The following ADGRL3 variants were observed in gnomAD, a reference collection of about 807,000 sequenced individuals.
ADGRL3 encodes the protein adhesion G protein-coupled receptor L3.
Under a neutral mutation model 153.5 loss-of-function variants are expected in ADGRL3, and 62 were observed. The observed-to-expected ratio is 0.40, with a 90% CI of 0.33 to 0.50. The LOEUF is 0.50. ADGRL3 is among the 20% of genes least tolerant of loss of function. ADGRL3 has a pLI of 0.47. For missense variants in ADGRL3, 1,641 were observed against 1,859.4 expected, an observed-to-expected ratio of 0.88 and a Z score of 2.16; for synonymous variants, 710 against 672.5, an observed-to-expected ratio of 1.06 and a Z score of -0.86.
At chr4:61,433,251 T>G (rs537910469) in intron 2 of ADGRL3, among the ~76,000 whole-genome samples, 1 of 152,290 alleles carries the variant, frequency 6.6e-6, no homozygotes, top group Admixed American at 6.5e-5. Context: ...TTTGCCAATA[T>G]GTATGTAGTA....
intron 15 of ADGRL3, among the ~76,000 whole-genome samples, chr4:61,941,231 C>A (rs1181724342): frequency 7.8e-6 from 1 of 127,512 alleles, no homozygotes; most frequent in Non-Finnish European, 1.6e-5. Context: ...TGTGAAAGAT[C>A]AGATAGTTGT....
chr4:61,274,908 A>G (rs2093387957), intron 1 of ADGRL3, among the ~76,000 whole-genome samples: 1 of 152,144 alleles, frequency 6.6e-6, no homozygotes, highest in African/African-American at 2.4e-5. Context: ...AGCCTGGGTG[A>G]CAGAACAAGA....
intron 3 of ADGRL3, among the ~76,000 whole-genome samples, chr4:61,505,455 A>G (rs1362412805): frequency 6.6e-6 from 1 of 152,068 alleles, no homozygotes; most frequent in African/African-American, 2.4e-5. Context: ...GGAGACCTGT[A>G]TACTGGTGAA....
At chr4:61,795,578 A>C (rs2097400464) in intron 8 of ADGRL3, among the ~76,000 whole-genome samples, 1 of 152,196 alleles carries the variant, frequency 6.6e-6, no homozygotes, top group Admixed American at 6.5e-5. Flanking sequence ...AAGTTGTGAA[A>C]TAAAATATAT....
At chr4:61,386,205 A>G (rs2096734393) in intron 2 of ADGRL3, among the ~76,000 whole-genome samples, 1 of 152,188 alleles carries the variant, frequency 6.6e-6, no homozygotes, top group African/African-American at 2.4e-5. Context: ...TTTTACTAAT[A>G]CATGACCAAG....
intron 8 of ADGRL3, among the ~76,000 whole-genome samples, chr4:61,805,397 C>T (rs2097543269): frequency 6.6e-6 from 1 of 152,192 alleles, no homozygotes; most frequent in Non-Finnish European, 1.5e-5. Flanking sequence ...AAAACATAAG[C>T]ACAGCAGGCC....
intron 2 of ADGRL3, among the ~76,000 whole-genome samples, chr4:61,461,976 C>A (rs1483799065): frequency 6.6e-6 from 1 of 152,100 alleles, no homozygotes; most frequent in Non-Finnish European, 1.5e-5. Context: ...AGCACTGAAA[C>A]ATCTTAAGCA....
chr4:61,380,783 G>A (rs2096658162), intron 1 of ADGRL3, among the ~76,000 whole-genome samples: 1 of 151,748 alleles, frequency 6.6e-6, no homozygotes, highest in Non-Finnish European at 1.5e-5. Flanking sequence ...TTAGTGCTTT[G>A]CTCCTAAATA....
At chr4:61,676,957 T>G in intron 6 of ADGRL3, 22 bp downstream of exon 6, 1 of 1,463,442 alleles carries the variant, frequency 6.8e-7, no homozygotes. Flanking sequence ...CCTATACTTT[T>G]CTTGGCAAGA....
At chr4:61,692,627 A>G (rs1001948829) in intron 6 of ADGRL3, among the ~76,000 whole-genome samples, 1 of 151,896 alleles carries the variant, frequency 6.6e-6, no homozygotes, top group African/African-American at 2.4e-5. Context: ...TATTTGTAGT[A>G]AAGATGGAGT....
intron 25 of ADGRL3, among the ~76,000 whole-genome samples, chr4:62,063,232 A>G (rs185779578): frequency 3.5e-4 from 54 of 152,132 alleles, no homozygotes; most frequent in African/African-American, 1.1e-3. Context: ...GCATGGGAAT[A>G]TATTCTTGCA....
At chr4:61,372,237 G>C (rs1290115349) in intron 1 of ADGRL3, among the ~76,000 whole-genome samples, 2 of 152,292 alleles carry the variant, frequency 1.3e-5, no homozygotes, top group Admixed American at 1.3e-4. Context: ...GCTCGTCAAA[G>C]TCATTCTCCG....
chr4:62,013,079 A>G lies in ADGRL3; in HGVS notation c.3395+14814A>G, dbSNP rs1475355578. On this transcript the variant is annotated intron_variant, in intron 21 of 26. Coordinates refer to ENST00000683033, the MANE Select transcript of ADGRL3 (RefSeq NM_001387552.1). ...CAGTGCAAACATTTGCGACTGTCAG[A>G]TTGTTTCCATTTTTTCAAGAAACTA... Among the ~76,000 whole-genome samples, 3 of 152,278 alleles carry G rather than the reference A, an allele frequency of 2.0e-5. No homozygotes were observed. In the East Asian group the frequency reaches 5.8e-4, roughly 29 times the overall value.
In ADGRL3 at chr4:61,775,431, T is replaced by TGC. The variant is rs1554028100; in HGVS notation, c.1400-38377_1400-38376dup. On this transcript the variant is annotated intron_variant, in intron 8 of 26. Transcript: ENST00000683033. ...GTGTGTGTGTGTGTGTGTGTGTGTG[T>TGC]GCCAAAGATTTATGTCTTCATTTCT... 2.6e-4 allele frequency: 179 copies of TGC among 680,924 alleles called. 3 individuals carry two copies. The African/African-American group carries it at 2.9e-3, about 11-fold the overall frequency. 42.2% of individuals were successfully genotyped at this position (680,924 alleles called of 1,614,324 possible).
intron 1 of ADGRL3, among the ~76,000 whole-genome samples, chr4:61,369,025 CTGTT>C (rs1458170873): frequency 5.9e-5 from 9 of 152,104 alleles, no homozygotes; most frequent in African/African-American, 1.7e-4. Context: ...ATTTGGCTCT[CTGTT>C]TGTCTGTTGT....
intron 5 of ADGRL3, among the ~76,000 whole-genome samples, chr4:61,616,944 T>A (rs1340563731): frequency 6.6e-6 from 1 of 152,106 alleles, no homozygotes; most frequent in Non-Finnish European, 1.5e-5. Context: ...CAAGAGCCAC[T>A]GGGGCCAGCC....
rs1212975482 is a variant in ADGRL3 at position 62,075,382 on chromosome 4, A to T, written c.*4474A>T. Reference sequence around the variant, plus strand: ...GTATTGCAGAGGGAAAAAAACCAACACTACAGAAGTATAATGCATGTCAAT... The same window carrying T: ...GTATTGCAGAGGGAAAAAAACCAACTCTACAGAAGTATAATGCATGTCAAT... On this transcript the variant is annotated 3_prime_UTR_variant, in exon 27 of 27. Transcript: ENST00000683033. 2.0e-5 allele frequency: 3 copies of T among 152,138 alleles called. No individual in the cohort carries two copies. Among genetic ancestry groups the T allele is most frequent in the African/African-American group, 7.2e-5 (3 of 41,432 alleles). The allele number at this position is 152,138 out of a possible 1,614,324, so 9.4% of individuals were successfully genotyped here.
chr4:61,860,213 T>A lies in ADGRL3; in HGVS notation c.1481-32443T>A, dbSNP rs540154100. Among the ~76,000 whole-genome samples the A allele has an allele frequency of 1.2e-4, 18 of 152,158 alleles. No homozygotes were observed. In the South Asian group the frequency reaches 2.7e-3, roughly 23 times the overall value. On this transcript the variant is annotated intron_variant, in intron 9 of 26. Transcript: ENST00000683033. ...TTAAAGTTAAGAAACACAGTTGTGT[T>A]CTGTGGGTGTGCATGTGTGTATGTT...
intron 2 of ADGRL3, among the ~76,000 whole-genome samples, chr4:61,451,211 G>C (rs1323299971): frequency 6.6e-6 from 1 of 151,996 alleles, no homozygotes; most frequent in Non-Finnish European, 1.5e-5. Context: ...ACAAGAGTTT[G>C]GACTATGTAA....
Sources: allele counts gnomAD v4.1 joint callset (sites outside exome capture counted in the v4.1 genomes callset), GRCh38; gene constraint gnomAD v4.1.1; transcripts MANE v1.5; gene names NCBI Gene and HGNC (gene_info 2026-07-23, HGNC 2026-07-21).